Variants in LRRC9 observed in about 807,000 individuals in gnomAD.
LRRC9 encodes the protein leucine-rich repeat-containing protein 9.
LRRC9 carries 122 observed loss-of-function variants against 63.2 expected under a neutral mutation model. The ratio of observed to expected loss-of-function variants is 1.93; its 90% confidence interval spans 1.67 to 2.24. The LOEUF (loss-of-function observed/expected upper bound fraction) is 2.24, where lower values mean the gene tolerates loss of function less well. LRRC9 is among the 30% of genes most tolerant of loss of function. The probability of loss-of-function intolerance (pLI) is 0.00; values close to 1 mark genes in which losing one functional copy is unlikely to be tolerated. For synonymous variants in LRRC9, 366 were observed against 213.1 expected (o/e 1.72, Z -6.25); for missense variants, 1,071 against 627.7 (o/e 1.71, Z -7.55).
chr14:60,065,099 G>A (rs926172449), downstream of LRRC9, among the ~76,000 whole-genome samples: 2 of 152,044 alleles, frequency 1.3e-5, no homozygotes, highest in Non-Finnish European at 2.9e-5. Context: ...AATGTCATCT[G>A]AGCCGGGCGC....
rs1893888940 is a variant in LRRC9 at position 60,051,507 on chromosome 14, T to G, written c.3991-1558T>G. Among the ~76,000 whole-genome samples, 5 of 152,268 alleles carry G rather than the reference T, an allele frequency of 3.3e-5. No individual in the cohort carries two copies. The South Asian group carries it at 1.0e-3, about 32-fold the overall frequency. ...TTTCCCCCAAGAACTGCTTCTGGTT[T>G]CAGGCAGACTCATCCTTCCCCCAGG... On this transcript the variant is annotated intron_variant, in intron 29 of 31. Transcript: ENST00000445360. The surrounding 1 kb of genome is among the most constrained non-coding windows in gnomAD (Gnocchi z 4.7).
rs932044431 is a variant in LRRC9, at chr14:60,017,910, C to G, written c.3318-461C>G. On this transcript the variant is annotated intron_variant, in intron 24 of 31. Transcript: ENST00000445360. This position sits in a 1 kb window ranked among gnomAD's most constrained non-coding sequence, Gnocchi z 4.0. Reference sequence around the variant, plus strand: ...CCACAGAAACTCTATTTTCAAAGACCTTACCTGCTTTTCCTTTCCTTTCCT... The same window carrying G: ...CCACAGAAACTCTATTTTCAAAGACGTTACCTGCTTTTCCTTTCCTTTCCT... Among the ~76,000 whole-genome samples the G allele has an allele frequency of 1.3e-5, 2 of 152,030 alleles. No homozygotes were observed. The highest frequency in any genetic ancestry group is 1.3e-4 in the Admixed American group (2 of 15,228).
intron 12 of LRRC9, among the ~76,000 whole-genome samples, chr14:59,973,715 G>C (rs1031922167): frequency 1.3e-5 from 2 of 151,952 alleles, no homozygotes; most frequent in East Asian, 1.9e-4. Context: ...TCCATGGTTG[G>C]TTGAATCCTC....
chr14:59,946,209 G>A (rs1426898520), intron 8 of LRRC9, among the ~76,000 whole-genome samples: 1 of 150,672 alleles, frequency 6.6e-6, no homozygotes, highest in Admixed American at 6.6e-5. Context: ...TAAAAACCAA[G>A]GTTTTGAAAT....
rs555714474 is a variant in LRRC9 at position 59,932,495 on chromosome 14, T to G, written c.543+456T>G. Among the ~76,000 whole-genome samples the G allele has an allele frequency of 6.6e-6, 1 of 152,136 alleles. No homozygotes were observed. The highest frequency in any genetic ancestry group is 2.4e-5 in the African/African-American group (1 of 41,466). The stretch of plus-strand genomic sequence containing the variant: ...ACAACTCTCCAGAACTGTACACATA[T>G]CTTAATGCAAACTAATTTTTCCTCT... On this transcript the variant is annotated intron_variant, in intron 6 of 31. Coordinates refer to ENST00000445360, the Ensembl canonical transcript of LRRC9. The surrounding 1 kb of genome is among the most constrained non-coding windows in gnomAD (Gnocchi z 4.7).
chr14:60,047,976 A>C (rs1893575624), intron 29 of LRRC9, among the ~76,000 whole-genome samples: 1 of 152,252 alleles, frequency 6.6e-6, no homozygotes, highest in Non-Finnish European at 1.5e-5. Flanking sequence ...ATTAGAATTT[A>C]AGATTAAGAA....
intron 28 of LRRC9, among the ~76,000 whole-genome samples, chr14:60,030,625 C>T (rs1891917313): frequency 6.6e-6 from 1 of 152,048 alleles, no homozygotes; most frequent in Non-Finnish European, 1.5e-5. Context: ...GGTACTTATG[C>T]TGACATTGCA....
rs71451086 is a variant in LRRC9 at position 59,938,946 on chromosome 14, C to CATATATATACACATACAT, written c.726+377_726+378insTATATACACATACATATA. The stretch of plus-strand genomic sequence containing the variant: ...ATATATATACACATATATACATATA[C>CATATATATACACATACAT]ATACATATATACACACATATATACA... On this transcript the variant is annotated intron_variant, in intron 7 of 31. Coordinates refer to ENST00000445360, the Ensembl canonical transcript of LRRC9. The surrounding 1 kb of genome is among the most constrained non-coding windows in gnomAD (Gnocchi z 4.2). 1.0e-5 allele frequency among the ~76,000 whole-genome samples: 1 copy of CATATATATACACATACAT among 97,918 alleles called. No homozygotes were observed. The highest frequency in any genetic ancestry group is 4.0e-5 in the African/African-American group (1 of 24,848). 64.2% of individuals were successfully genotyped at this position (97,918 alleles called of 152,430 possible).
chr14:59,932,806 A>T lies in LRRC9; in HGVS notation c.543+767A>T, dbSNP rs758712844. On this transcript the variant is annotated intron_variant, in intron 6 of 31. Transcript: ENST00000445360. The surrounding 1 kb of genome is among the most constrained non-coding windows in gnomAD (Gnocchi z 4.7). ...TTTTTCCTGTGTTTGTCCTTTCCCT[A>T]CTATAGATCTGTTCTCCACACAGAA... Among the ~76,000 whole-genome samples the T allele has an allele frequency of 4.6e-5, 7 of 152,068 alleles. No homozygotes were observed. The highest frequency in any genetic ancestry group is 5.9e-5 in the Non-Finnish European group (4 of 67,984).
At chr14:59,963,284 T>A (rs1884523443) in intron 10 of LRRC9, among the ~76,000 whole-genome samples, 1 of 152,186 alleles carries the variant, frequency 6.6e-6, no homozygotes, top group Non-Finnish European at 1.5e-5. Context: ...AATTATTATA[T>A]TTTCCAGTTT....
chr14:59,947,232 T>G (rs1594844802), intron 8 of LRRC9, among the ~76,000 whole-genome samples: 1 of 149,342 alleles, frequency 6.7e-6, no homozygotes, highest in Non-Finnish European at 1.5e-5. Context: ...CATAGTGGTT[T>G]TGATTTGCAT....
intron 31 of LRRC9, among the ~76,000 whole-genome samples, chr14:60,062,605 T>G (rs1468822891): frequency 1.3e-5 from 2 of 152,234 alleles, no homozygotes; most frequent in Non-Finnish European, 2.9e-5. Flanking sequence ...TGTAAATTCT[T>G]CCGAATTTTC....
At chr14:60,057,237 A>T (rs112597197) in intron 30 of LRRC9, among the ~76,000 whole-genome samples, 1 of 152,180 alleles carries the variant, frequency 6.6e-6, no homozygotes, top group Non-Finnish European at 1.5e-5. Flanking sequence ...TTCTAGGGGA[A>T]GCAAGAGTCC....
Position 59,936,815 on chromosome 14 carries a change from C to T in LRRC9, c.544-1575C>T, listed in dbSNP as rs80099980. 3.4e-3 allele frequency among the ~76,000 whole-genome samples: 512 copies of T among 152,274 alleles called. 18 individuals carry two copies. In the East Asian group the frequency reaches 0.058, roughly 17 times the overall value. ...AGAGAGTTTGGAAATACATTAACCG[C>T]CTCAACCTGTATTACTCTTGCTTCC... On this transcript the variant is annotated intron_variant, in intron 6 of 31. Coordinates refer to ENST00000445360, the Ensembl canonical transcript of LRRC9. The surrounding 1 kb of genome is among the most constrained non-coding windows in gnomAD (Gnocchi z 4.2).
intron 26 of LRRC9, among the ~76,000 whole-genome samples, chr14:60,021,965 G>A (rs1477496445): frequency 6.6e-6 from 1 of 151,700 alleles, no homozygotes; most frequent in East Asian, 1.9e-4. Context: ...GAATATTCTA[G>A]ATTCTTTGCA....
At chr14:59,977,463 A>G (rs1009979813) in intron 14 of LRRC9, 116 bp downstream of exon 14, 4 of 570,484 alleles carry the variant, frequency 7.0e-6, no homozygotes, top group South Asian at 7.0e-5. Context: ...AATTTTCTAC[A>G]AAAATCTGTT....
At chr14:60,013,623 GTCT>G (rs1434016930) in intron 23 of LRRC9, among the ~76,000 whole-genome samples, 1 of 152,008 alleles carries the variant, frequency 6.6e-6, no homozygotes, top group African/African-American at 2.4e-5. Flanking sequence ...GGACTGTTAT[GTCT>G]TCTTGGTGGA....
intron 29 of LRRC9, among the ~76,000 whole-genome samples, chr14:60,046,852 A>C (rs1227324601): frequency 1.3e-5 from 2 of 152,310 alleles, no homozygotes; most frequent in East Asian, 3.9e-4. Context: ...TTTTGCTGAT[A>C]TGGCCATTTT....
At chr14:59,934,558 CAT>C (rs1461074959) in intron 6 of LRRC9, among the ~76,000 whole-genome samples, 6 of 152,244 alleles carry the variant, frequency 3.9e-5, no homozygotes, top group African/African-American at 7.2e-5. Flanking sequence ...TCAGATTAAA[CAT>C]GTGGAAAAGA....
Sources: allele counts gnomAD v4.1 joint callset (sites outside exome capture counted in the v4.1 genomes callset), GRCh38; gene constraint gnomAD v4.1.1; non-coding constraint Gnocchi (gnomAD v3.1); transcripts MANE v1.5; gene names NCBI Gene and HGNC (gene_info 2026-07-23, HGNC 2026-07-21).